Variants in XYLB observed in about 807,000 individuals in gnomAD.
XYLB encodes the protein xylulokinase.
Under a neutral mutation model 78.7 loss-of-function variants are expected in XYLB, and 62 were observed. That is an observed-to-expected ratio of 0.79 (90% confidence interval 0.64 to 0.97). The LOEUF is 0.97. Ranked by LOEUF, XYLB falls within the 50% of genes least tolerant of loss-of-function variation. The pLI, the probability that XYLB is intolerant of heterozygous loss-of-function variation, is 0.00. For synonymous variants in XYLB, 245 were observed against 247.4 expected (o/e 0.99, Z 0.09); for missense variants, 687 against 676.8 (o/e 1.02, Z -0.17).
chr3:38,361,329 CTG>C (rs1322725395), intron 3 of XYLB, among the ~76,000 whole-genome samples: 1 of 151,124 alleles, frequency 6.6e-6, no homozygotes, highest in Admixed American at 6.6e-5. Flanking sequence ...GTCCCTGAAA[CTG>C]GAGGCCAGCT....
At chr3:38,438,197 G>C in the XYLB span, among the ~76,000 whole-genome samples, 1 of 152,160 alleles carries the variant, frequency 6.6e-6, no homozygotes, top group South Asian at 2.1e-4. Context: ...ACTCCACTTT[G>C]GCCTAGGTGA....
rs1708734820 is a variant in XYLB at position 38,414,831 on chromosome 3, A to C, written c.*1818A>C. On this transcript the variant is annotated 3_prime_UTR_variant, in exon 19 of 19. Transcript: ENST00000207870. ...AAGGAAGAGCCAAAAAGACCCAGAA[A>C]TAAAATGACAGATAAAGAAGATTGT... 6.6e-6 allele frequency: 1 copy of C among 152,202 alleles called. No individual in the cohort carries two copies. Among genetic ancestry groups the C allele is most frequent in the Non-Finnish European group, 1.5e-5 (1 of 68,044 alleles). 9.4% of individuals were successfully genotyped at this position (152,202 alleles called of 1,614,324 possible).
rs189896648 is a variant in XYLB, at chr3:38,390,986, G to A, written c.1292-4519G>A. Among the ~76,000 whole-genome samples the A allele has an allele frequency of 1.2e-3, 182 of 152,270 alleles. 1 individual carries two copies. Among genetic ancestry groups the A allele is most frequent in the African/African-American group, 4.2e-3 (174 of 41,562 alleles). Reference sequence around the variant, plus strand: ...TGTAATCCCAGCACTTTGGGAGGCCGATACAGGCGGATCGCTTGAGGTCAG... The same window carrying A: ...TGTAATCCCAGCACTTTGGGAGGCCAATACAGGCGGATCGCTTGAGGTCAG... On this transcript the variant is annotated intron_variant, in intron 15 of 18. Transcript: ENST00000207870.
At chr3:38,443,932 T>A in the XYLB span, among the ~76,000 whole-genome samples, 1 of 152,196 alleles carries the variant, frequency 6.6e-6, no homozygotes, top group African/African-American at 2.4e-5. Context: ...CCAGTCCCCA[T>A]GATCTGAGTC....
At chr3:38,364,103 C>A (rs1706119558) in intron 4 of XYLB, among the ~76,000 whole-genome samples, 2 of 152,000 alleles carry the variant, frequency 1.3e-5, no homozygotes, top group South Asian at 4.1e-4. Context: ...ATGCCTCAGA[C>A]TTAGCATGTC....
chr3:38,402,879 T>C (rs1708172259), intron 18 of XYLB, among the ~76,000 whole-genome samples: 1 of 152,254 alleles, frequency 6.6e-6, no homozygotes, highest in African/African-American at 2.4e-5. Flanking sequence ...ATTTAAAATA[T>C]TCGGTTGCCT....
chr3:38,421,642 T>C (rs1708982780), downstream of XYLB, among the ~76,000 whole-genome samples: 1 of 152,184 alleles, frequency 6.6e-6, no homozygotes, highest in African/African-American at 2.4e-5. Context: ...CTGGTCAGTG[T>C]GGGCTCTGGT....
chr3:38,359,282 A>T (rs1093688), intron 2 of XYLB, among the ~76,000 whole-genome samples: 135,874 of 152,032 alleles, frequency 0.89, 61,309 homozygotes, highest in East Asian at 1. Flanking sequence ...TTTGTGGTTT[A>T]GGAATGCCTT....
At chr3:38,365,344 G>A (rs1311145490) in intron 5 of XYLB, 59 bp downstream of exon 5, 7 of 1,562,284 alleles carry the variant, frequency 4.5e-6, no homozygotes, top group Non-Finnish European at 6.2e-6. Flanking sequence ...AAGTCCTGTG[G>A]GTCCTGAAGC....
At chr3:38,364,019 CT>C (rs1559580702) in intron 4 of XYLB, among the ~76,000 whole-genome samples, 1 of 152,168 alleles carries the variant, frequency 6.6e-6, no homozygotes, top group Non-Finnish European at 1.5e-5. Context: ...CCACTTCTCT[CT>C]CCCGAATCCC....
At chr3:38,356,934 T>C (rs1705688764) in intron 2 of XYLB, 1 of 152,228 alleles carries the variant, frequency 6.6e-6, no homozygotes, top group Non-Finnish European at 1.5e-5. Context: ...AATGAGGTTG[T>C]AAGGGTGGGG....
At chr3:38,419,578 T>TTTTA (rs1553666798), downstream of XYLB, among the ~76,000 whole-genome samples, 2 of 68,280 alleles carry the variant, frequency 2.9e-5, no homozygotes, top group African/African-American at 8.8e-5. Context: ...TTATTTTTCT[T>TTTTA]TATATATATA....
chr3:38,401,012 A>T (rs750495644), intron 18 of XYLB, 27 bp downstream of exon 18: 47 of 1,607,538 alleles, frequency 2.9e-5, no homozygotes, highest in Non-Finnish European at 3.8e-5. Context: ...ATTTGTTTGT[A>T]GCATTTGCAT....
the XYLB span, among the ~76,000 whole-genome samples, chr3:38,443,319 G>A: frequency 6.6e-6 from 1 of 152,222 alleles, no homozygotes; most frequent in Non-Finnish European, 1.5e-5. Flanking sequence ...GGATCGGCTG[G>A]TTGGGGGATT....
intron 18 of XYLB, among the ~76,000 whole-genome samples, chr3:38,411,422 C>T (rs1708580616): frequency 6.6e-6 from 1 of 151,934 alleles, no homozygotes; most frequent in South Asian, 2.1e-4. Context: ...GGAGATATAC[C>T]TGATGCTAAA....
At chr3:38,354,859 T>C (rs1394878804) in intron 2 of XYLB, among the ~76,000 whole-genome samples, 1 of 152,250 alleles carries the variant, frequency 6.6e-6, no homozygotes, top group Non-Finnish European at 1.5e-5. Flanking sequence ...CTTGGCAGAA[T>C]TGACAACTTT....
intron 6 of XYLB, 140 bp from the exon 7 acceptor site, chr3:38,366,668 T>TG (rs1247560119): frequency 1.6e-5 from 10 of 622,514 alleles, no homozygotes; most frequent in Admixed American, 2.9e-5. Flanking sequence ...CACACTACTG[T>TG]GCCTGGTTGG....
the XYLB span, among the ~76,000 whole-genome samples, chr3:38,428,594 G>C: frequency 1.3e-5 from 2 of 152,222 alleles, no homozygotes; most frequent in East Asian, 1.9e-4. Flanking sequence ...AATATTCACT[G>C]TTCTGAACAC....
At chr3:38,412,859 T>G (rs1043697648) in intron 18 of XYLB, 77 bp from the exon 19 acceptor site, 2 of 1,310,978 alleles carry the variant, frequency 1.5e-6, no homozygotes, top group Non-Finnish European at 2.1e-6. Context: ...GATTTAAAAA[T>G]TTTAAATTGC....
Sources: gnomAD v4.1 joint callset for allele counts (sites outside exome capture counted in the v4.1 genomes callset) on GRCh38, gnomAD v4.1.1 for gene constraint, MANE v1.5 for transcripts, NCBI Gene and HGNC (gene_info 2026-07-23, HGNC 2026-07-21) for gene names.